Variants in ASTN2 observed in about 807,000 individuals in gnomAD.
ASTN2 encodes the protein astrotactin 2, also known as astrotactin-2.
A neutral mutation model predicts 139.8 loss-of-function variants in ASTN2; 54 were observed. That is an observed-to-expected ratio of 0.39 (90% CI 0.31 to 0.48). The LOEUF is 0.48. ASTN2 is among the 20% of genes least tolerant of loss of function. The probability of loss-of-function intolerance (pLI) is 0.95; values close to 1 mark genes in which losing one functional copy is unlikely to be tolerated. For missense variants in ASTN2, 1,565 were observed against 1,725.1 expected, an observed-to-expected ratio of 0.91 and a Z score of 1.64; for synonymous variants, 756 against 719.5, an observed-to-expected ratio of 1.05 and a Z score of -0.81.
chr9:117,083,486 T>C (rs1564417936), intron 5 of ASTN2, among the ~76,000 whole-genome samples: 1 of 152,206 alleles, frequency 6.6e-6, no homozygotes, highest in Non-Finnish European at 1.5e-5. Flanking sequence ...TGCAAGCATC[T>C]CACACAGCTG....
At chr9:116,471,576 G>A (rs1262346666) in intron 20 of ASTN2, among the ~76,000 whole-genome samples, 1 of 152,066 alleles carries the variant, frequency 6.6e-6, no homozygotes, top group Non-Finnish European at 1.5e-5. Context: ...GGGAAAGAGG[G>A]ACAGAGAAGG....
chr9:117,294,214 A>T (rs1834670970), intron 1 of ASTN2, among the ~76,000 whole-genome samples: 1 of 152,272 alleles, frequency 6.6e-6, no homozygotes, highest in African/African-American at 2.4e-5. Flanking sequence ...AGTTGCACTT[A>T]CATCTCCTTT....
intron 11 of ASTN2, among the ~76,000 whole-genome samples, chr9:116,835,913 A>C (rs1831975996): frequency 6.6e-6 from 1 of 152,134 alleles, no homozygotes; most frequent in East Asian, 1.9e-4. Context: ...CAGCCTCCTG[A>C]ATAGCTGGGA....
intron 2 of ASTN2, among the ~76,000 whole-genome samples, chr9:117,237,453 T>C (rs980233325): frequency 4.6e-5 from 7 of 152,084 alleles, no homozygotes; most frequent in African/African-American, 1.7e-4. Context: ...AATTTTTGTG[T>C]ATTATTCAAG....
At chr9:116,436,044 C>T (rs888824465) in intron 22 of ASTN2, among the ~76,000 whole-genome samples, 1 of 152,204 alleles carries the variant, frequency 6.6e-6, no homozygotes, top group Non-Finnish European at 1.5e-5. Flanking sequence ...CAGTCTTTTC[C>T]GCACTAGATG....
At chr9:117,117,972 A>G (rs1000277990) in intron 4 of ASTN2, among the ~76,000 whole-genome samples, 2 of 152,192 alleles carry the variant, frequency 1.3e-5, no homozygotes, top group South Asian at 2.1e-4. Flanking sequence ...AATCACCGTT[A>G]TATTAAAAAA....
rs76205629 is a variant in ASTN2, at chr9:117,320,304, G to A, written c.443-28791C>T. Among the ~76,000 whole-genome samples, 565 of 152,256 alleles carry A rather than the reference G, an allele frequency of 3.7e-3. 2 individuals carry two copies. Among genetic ancestry groups the A allele is most frequent in the African/African-American group, 0.013 (543 of 41,554 alleles). On this transcript the variant is annotated intron_variant, in intron 1 of 22. Coordinates refer to ENST00000313400, the MANE Select transcript of ASTN2 (RefSeq NM_001365068.1). Reference sequence around the variant, plus strand: ...ATGAAATACAGAACTCAGGAATCTGGCAGAAGCCCAGGATTCTGCATTTAT... The same window carrying A: ...ATGAAATACAGAACTCAGGAATCTGACAGAAGCCCAGGATTCTGCATTTAT...
intron 2 of ASTN2, among the ~76,000 whole-genome samples, chr9:117,288,463 T>C (rs945343346): frequency 4.6e-5 from 7 of 152,036 alleles, no homozygotes; most frequent in Non-Finnish European, 8.8e-5. Flanking sequence ...ACAAACCACC[T>C]TGGATCTTCA....
At chr9:116,960,710 C>G (rs1342110929) in intron 10 of ASTN2, among the ~76,000 whole-genome samples, 1 of 151,974 alleles carries the variant, frequency 6.6e-6, no homozygotes, top group African/African-American at 2.4e-5. Flanking sequence ...GGACAAAATC[C>G]CCCTCTTTAA....
chr9:116,559,848 T>C (rs1437307487), intron 19 of ASTN2, among the ~76,000 whole-genome samples: 1 of 152,212 alleles, frequency 6.6e-6, no homozygotes, highest in Non-Finnish European at 1.5e-5. Flanking sequence ...TCTGCCTTCT[T>C]ATTCCTTGAA....
Position 116,729,020 on chromosome 9 carries a change from C to A in ASTN2, c.2598G>T (p.Val866=). Residue 866 remains valine, a synonymous_variant, in exon 15 of 23, where the codon GTG becomes GTT. Transcript: ENST00000313400. ...QWRVRSNLYR[V]KLSTITLAAG... is the part of the protein sequence containing the mutation. ...CTGCGAGGGTGATGGTGCTGAGCTTCACACGGTAGAGGTTGCTCCGGACCC... is the reference window on the plus strand; with the variant it reads ...CTGCGAGGGTGATGGTGCTGAGCTTAACACGGTAGAGGTTGCTCCGGACCC... 1 of 1,585,434 alleles carries A rather than the reference C, an allele frequency of 6.3e-7. No individual in the cohort carries two copies. The highest frequency in any genetic ancestry group is 8.6e-7 in the Non-Finnish European group (1 of 1,164,750).
chr9:117,414,356 C>T lies in ASTN2; in HGVS notation c.442+141G>A. Reference sequence around the variant, plus strand: ...GCTCGTTTCCAACCACCTGTGCGACCTCTGGGCCCCTCCTCTACCCTCTGC... The same window carrying T: ...GCTCGTTTCCAACCACCTGTGCGACTTCTGGGCCCCTCCTCTACCCTCTGC... On this transcript the variant is annotated intron_variant, in intron 1 of 22. Transcript: ENST00000313400. This position sits in a 1 kb window ranked among gnomAD's most constrained non-coding sequence, Gnocchi z 4.2. 7.3e-7 allele frequency: 1 copy of T among 1,361,230 alleles called. No individual in the cohort carries two copies. The highest frequency in any genetic ancestry group is 1.5e-5 in the South Asian group (1 of 64,910). The allele number at this position is 1,361,230 out of a possible 1,614,324, so 84.3% of individuals were successfully genotyped here.
chr9:116,489,460 C>T (rs1320804997), intron 19 of ASTN2, among the ~76,000 whole-genome samples: 1 of 152,086 alleles, frequency 6.6e-6, no homozygotes, highest in Non-Finnish European at 1.5e-5. Context: ...CCTCAGCTTC[C>T]CAAATAGCTG....
chr9:116,755,925 G>T (rs763488431), intron 13 of ASTN2, among the ~76,000 whole-genome samples: 15 of 152,194 alleles, frequency 9.9e-5, no homozygotes, highest in Non-Finnish European at 2.1e-4. Context: ...ACAAGTAATG[G>T]CTTTTCTCTG....
chr9:116,631,838 G>A (rs1396799206), intron 17 of ASTN2, among the ~76,000 whole-genome samples: 2 of 151,966 alleles, frequency 1.3e-5, no homozygotes, highest in Admixed American at 6.6e-5. Flanking sequence ...CATGTAGGCC[G>A]GGCGTGGTGG....
intron 16 of ASTN2, among the ~76,000 whole-genome samples, chr9:116,717,652 AG>A (rs1828350549): frequency 1.3e-5 from 2 of 152,172 alleles, no homozygotes; most frequent in African/African-American, 4.8e-5. Context: ...GATAAAATTA[AG>A]GAGTTTAGAT....
intron 3 of ASTN2, among the ~76,000 whole-genome samples, chr9:117,164,282 G>A (rs1280153124): frequency 6.6e-6 from 1 of 152,026 alleles, no homozygotes; most frequent in Non-Finnish European, 1.5e-5. Context: ...GCAGAAATCT[G>A]CCCCTAAGTT....
chr9:117,058,947 G>A (rs190060385), intron 5 of ASTN2, among the ~76,000 whole-genome samples: 31 of 152,346 alleles, frequency 2.0e-4, no homozygotes, highest in African/African-American at 7.5e-4. Flanking sequence ...GTAAGCAAAG[G>A]CATGCAAAAC....
chr9:116,769,607 GGTAA>G (rs1829903201), intron 13 of ASTN2, among the ~76,000 whole-genome samples: 1 of 152,066 alleles, frequency 6.6e-6, no homozygotes, highest in South Asian at 2.1e-4. Flanking sequence ...GAGAGGATGG[GGTAA>G]GTATTAGGCA....
Sources: allele counts gnomAD v4.1 joint callset (sites outside exome capture counted in the v4.1 genomes callset), GRCh38; gene constraint gnomAD v4.1.1; non-coding constraint Gnocchi (gnomAD v3.1); transcripts MANE v1.5; gene names NCBI Gene and HGNC (gene_info 2026-07-23, HGNC 2026-07-21).